Variants in SH3GLB2 observed in about 807,000 individuals in gnomAD.
SH3GLB2 encodes SH3 domain containing GRB2 like, endophilin B2, also known as endophilin-B2.
A neutral mutation model predicts 48.0 loss-of-function variants in SH3GLB2; 24 were observed. That is an observed-to-expected ratio of 0.50 (90% CI 0.36 to 0.70). SH3GLB2 has a LOEUF of 0.70. SH3GLB2 is among the 30% of genes least tolerant of loss of function. The probability of loss-of-function intolerance (pLI) is 0.00; values close to 1 mark genes in which losing one functional copy is unlikely to be tolerated. For missense variants in SH3GLB2, 425 were observed against 516.0 expected (o/e 0.82, Z 1.71); for synonymous variants, 227 against 207.6 (o/e 1.09, Z -0.80).
intron 1 of SH3GLB2, among the ~76,000 whole-genome samples, chr9:129,026,637 T>C (rs1844181190): frequency 6.8e-6 from 1 of 147,472 alleles, no homozygotes; most frequent in Non-Finnish European, 1.5e-5. Flanking sequence ...GAGCCACACC[T>C]AGGCCCTGCC....
chr9:129,008,664 G>T lies in SH3GLB2; in HGVS notation c.*20C>A, dbSNP rs750843275. Reference sequence around the variant, plus strand: ...CCTCTCCTGCCTAGGCCAGAATGCGGGGGGGATGGGGGCACCTGCCTAGCT... The same window carrying T: ...CCTCTCCTGCCTAGGCCAGAATGCGTGGGGGATGGGGGCACCTGCCTAGCT... On this transcript the variant is annotated 3_prime_UTR_variant, in exon 11 of 11. Coordinates refer to ENST00000372564, the MANE Select transcript of SH3GLB2 (RefSeq NM_020145.4). The T allele has an allele frequency of 6.3e-7, 1 of 1,595,798 alleles. No homozygotes were observed.
rs984760949 is a variant in SH3GLB2, at chr9:129,012,677, C to A, written c.562-379G>T. 15 of 485,088 alleles carry A rather than the reference C, an allele frequency of 3.1e-5. 1 individual carries two copies. In the South Asian group the frequency reaches 5.2e-4, roughly 17 times the overall value. The allele number at this position is 485,088 out of a possible 1,614,324, so 30.0% of individuals were successfully genotyped here. A position where few individuals can be genotyped will look rare whatever the true frequency, so the allele number is the denominator to read the frequency against. On this transcript the variant is annotated intron_variant, in intron 5 of 10. Coordinates refer to ENST00000372564, the MANE Select transcript of SH3GLB2 (RefSeq NM_020145.4). ...AGGGTCCCGCAAACACAGCCCACCCCCAACTGGGATGGCTTTTTCCATCCC... is the reference window on the plus strand; with the variant it reads ...AGGGTCCCGCAAACACAGCCCACCCACAACTGGGATGGCTTTTTCCATCCC...
chr9:129,019,837 GA>G (rs906355899), intron 3 of SH3GLB2, among the ~76,000 whole-genome samples: 22 of 143,436 alleles, frequency 1.5e-4, no homozygotes, highest in Middle Eastern at 3.5e-3. Context: ...ATTTTAAAAT[GA>G]AAAAAAAAAG....
chr9:129,013,050 A>G (rs1843215362), intron 5 of SH3GLB2: 2 of 1,551,170 alleles, frequency 1.3e-6, no homozygotes, highest in Non-Finnish European at 1.7e-6. Context: ...CAGGACGGAA[A>G]GGAACAAAAA....
chr9:129,011,968 A>T lies in SH3GLB2; in HGVS notation c.624+268T>A. On this transcript the variant is annotated intron_variant, in intron 6 of 10. Transcript: ENST00000372564. The surrounding 1 kb of genome is among the most constrained non-coding windows in gnomAD (Gnocchi z 4.5). ...ACAGCTGCCGCCCTGAGTTCTCCAC[A>T]CTACTCAGTGTGGCTGGCCCTGCCG... 2.7e-6 allele frequency: 1 copy of T among 374,556 alleles called. No homozygotes were observed. 23.2% of individuals were successfully genotyped at this position (374,556 alleles called of 1,614,324 possible). A position where few individuals can be genotyped will look rare whatever the true frequency, so the allele number is the denominator to read the frequency against.
intron 1 of SH3GLB2, among the ~76,000 whole-genome samples, chr9:129,027,849 A>T (rs1844252029): frequency 6.6e-6 from 1 of 152,198 alleles, no homozygotes; most frequent in Non-Finnish European, 1.5e-5. Flanking sequence ...GGGTAACCCA[A>T]CCAGCCCAAA....
At chr9:129,012,588 T>G (rs1045118806) in intron 5 of SH3GLB2, 1 of 420,888 alleles carries the variant, frequency 2.4e-6, no homozygotes, top group Non-Finnish European at 4.2e-6. Flanking sequence ...AGTCACAGGC[T>G]GGGCTCTCCC....
Position 129,008,629 on chromosome 9 carries a change from C to T in SH3GLB2, c.*55G>A, listed in dbSNP as rs914006525. The T allele has an allele frequency of 4.9e-5, 66 of 1,348,404 alleles. No individual in the cohort carries two copies. In the Admixed American group the frequency reaches 1.2e-3, roughly 24 times the overall value. 83.5% of individuals were successfully genotyped at this position (1,348,404 alleles called of 1,614,324 possible). A position where few individuals can be genotyped will look rare whatever the true frequency, so the allele number is the denominator to read the frequency against. ...CCAACAAACAAGTTAAGTGGCAGGG[C>T]TGCGCCCATCCTCTCCTGCCTAGGC... is the stretch of plus-strand genomic sequence containing the variant. On this transcript the variant is annotated 3_prime_UTR_variant, in exon 11 of 11. Transcript: ENST00000372564.
intron 5 of SH3GLB2, chr9:129,012,858 A>C (rs1843204830): frequency 1.0e-6 from 1 of 954,580 alleles, no homozygotes. Flanking sequence ...ATCCCCCCCT[A>C]AACCAGAGGC....
At chr9:129,012,944 C>T (rs984837345) in intron 5 of SH3GLB2, 40 of 1,549,158 alleles carry the variant, frequency 2.6e-5, no homozygotes, top group East Asian at 9.8e-5. Context: ...GCCATGGCAC[C>T]GTGGGTCCAC....
At chr9:129,023,491 A>G (rs548921351) in intron 1 of SH3GLB2, among the ~76,000 whole-genome samples, 11 of 152,346 alleles carry the variant, frequency 7.2e-5, no homozygotes, top group African/African-American at 2.6e-4. Flanking sequence ...CAGGAGTAAG[A>G]TAAGGAACAA....
chr9:129,017,009 G>A (rs142464295), intron 3 of SH3GLB2, among the ~76,000 whole-genome samples: 4,580 of 145,542 alleles, frequency 0.031, 218 homozygotes, highest in African/African-American at 0.11. Context: ...GTGCAGTGGC[G>A]CGCTCTTGGC....
chr9:129,023,945 G>C (rs1239110912), intron 1 of SH3GLB2, among the ~76,000 whole-genome samples: 2 of 152,166 alleles, frequency 1.3e-5, no homozygotes, highest in Admixed American at 1.3e-4. Context: ...TCCTTTGAGG[G>C]GGGTGGCGTT....
In SH3GLB2 at chr9:129,014,355, C is replaced by T; in HGVS notation, c.561+56G>A. ...TACCAGGTCCCTTCATGCCACCACC[C>T]CTTGGCTCCAGCCAGAGCCTGGGCC... is the stretch of plus-strand genomic sequence containing the variant. On this transcript the variant is annotated intron_variant, in intron 5 of 10. Transcript: ENST00000372564. The surrounding 1 kb of genome is among the most constrained non-coding windows in gnomAD (Gnocchi z 4.1). 1 of 1,497,026 alleles carries T rather than the reference C, an allele frequency of 6.7e-7. No individual in the cohort carries two copies. Among genetic ancestry groups the T allele is most frequent in the South Asian group, 1.2e-5 (1 of 82,986 alleles). 92.7% of individuals were successfully genotyped at this position (1,497,026 alleles called of 1,614,324 possible).
chr9:129,014,712 G>T lies in SH3GLB2; in HGVS notation c.468+59C>A. 1 of 1,579,230 alleles carries T rather than the reference G, an allele frequency of 6.3e-7. No homozygotes were observed. The highest frequency in any genetic ancestry group is 8.6e-7 in the Non-Finnish European group (1 of 1,163,184). On this transcript the variant is annotated intron_variant, in intron 4 of 10. Coordinates refer to ENST00000372564, the MANE Select transcript of SH3GLB2 (RefSeq NM_020145.4). The surrounding 1 kb of genome is among the most constrained non-coding windows in gnomAD (Gnocchi z 4.1). ...CACTGGAAGAGAGCCTGTACTCAAA[G>T]GCTCTGAGGAGGGAACTGCCATGGT...
intron 3 of SH3GLB2, among the ~76,000 whole-genome samples, chr9:129,017,488 G>A (rs1421816164): frequency 6.6e-6 from 1 of 152,184 alleles, no homozygotes; most frequent in Non-Finnish European, 1.5e-5. Context: ...ATGAGGCTGG[G>A]TGTGCTGGCT....
At chr9:129,021,292 G>GAA in intron 2 of SH3GLB2, 73 bp from the exon 3 acceptor site, 1 of 1,481,858 alleles carries the variant, frequency 6.7e-7, no homozygotes, top group Non-Finnish European at 9.0e-7. Context: ...AACAGACCCA[G>GAA]ACCCGGCCCT....
intron 1 of SH3GLB2, among the ~76,000 whole-genome samples, chr9:129,023,190 G>A (rs1479071865): frequency 2.6e-5 from 4 of 152,132 alleles, no homozygotes; most frequent in South Asian, 2.1e-4. Flanking sequence ...AGGGAGGGAG[G>A]ATGGCCAAAC....
In SH3GLB2 at chr9:129,022,350, G is replaced by T; in HGVS notation, c.137C>A (p.Ala46Glu). Residue 46 changes from alanine to glutamate, a missense_variant, in exon 2 of 11, where the codon GCA becomes GAA. Physicochemically the swap from Ala to Glu is moderately radical, Grantham distance 107. Coordinates refer to ENST00000372564, the MANE Select transcript of SH3GLB2 (RefSeq NM_020145.4). ...CTCTGTCCAGTTCTTGGTGCTGTCTGCCCGGGCCAGAAGGTTTTCAAAGTG... is the reference window on the plus strand; with the variant it reads ...CTCTGTCCAGTTCTTGGTGCTGTCTTCCCGGGCCAGAAGGTTTTCAAAGTG... ...DAHFENLLARADSTKNWTEKI... is the reference protein window; with the variant it reads ...DAHFENLLAREDSTKNWTEKI... The T allele has an allele frequency of 6.2e-7, 1 of 1,614,156 alleles. No homozygotes were observed.
Sources: gnomAD v4.1 joint callset for allele counts (sites outside exome capture counted in the v4.1 genomes callset) on GRCh38, gnomAD v4.1.1 for gene constraint, Gnocchi (gnomAD v3.1) non-coding constraint, MANE v1.5 for transcripts, NCBI Gene and HGNC (gene_info 2026-07-23, HGNC 2026-07-21) for gene names.